HNRNPR: variants seen among roughly 807,000 people sequenced by gnomAD.
HNRNPR encodes the protein heterogeneous nuclear ribonucleoprotein R.
HNRNPR carries 4 observed loss-of-function variants against 70.3 expected under a neutral mutation model. The observed-to-expected ratio is 0.06, with a 90% confidence interval of 0.03 to 0.13. The LOEUF (loss-of-function observed/expected upper bound fraction) is 0.13, where lower values mean the gene tolerates loss of function less well. Ranked by LOEUF, HNRNPR falls within the 10% of genes least tolerant of loss-of-function variation. The probability of loss-of-function intolerance (pLI) is 1.00; values close to 1 mark genes in which losing one functional copy is unlikely to be tolerated. For synonymous variants in HNRNPR, 241 were observed against 267.6 expected, an observed-to-expected ratio of 0.90 and a Z score of 0.97; for missense variants, 423 against 788.5, an observed-to-expected ratio of 0.54 and a Z score of 5.55.
rs1645271779 is a variant in HNRNPR at position 23,310,034 on chromosome 1, C to T, written c.*420G>A. 2 of 153,898 alleles carry T rather than the reference C, an allele frequency of 1.3e-5. No individual in the cohort carries two copies. The highest frequency in any genetic ancestry group is 1.3e-4 in the Admixed American group (2 of 15,316). The allele number at this position is 153,898 out of a possible 1,614,324, so 9.5% of individuals were successfully genotyped here. ...AACTTAAATTTGTTTGCTTTAATTT[C>T]TTAAAACTACTAAGACAAAGCACTA... On this transcript the variant is annotated 3_prime_UTR_variant, in exon 11 of 11. Transcript: ENST00000302271. The surrounding 1 kb of genome is among the most constrained non-coding windows in gnomAD (Gnocchi z 6.0).
At chr1:23,332,024 C>T (rs990858433) in intron 5 of HNRNPR, among the ~76,000 whole-genome samples, 12 of 150,356 alleles carry the variant, frequency 8.0e-5, no homozygotes, top group Non-Finnish European at 1.3e-4. Flanking sequence ...CCCAGCTACT[C>T]GGGAGGTTAA....
rs2148352819 is a variant in HNRNPR at position 23,318,102 on chromosome 1, A to C, written c.1017+381T>G. Reference sequence around the variant, plus strand: ...TTCATGGCCAAGTAATAAAGTCATAATATAGTCAATGAAGATTATAACTTA... The same window carrying C: ...TTCATGGCCAAGTAATAAAGTCATACTATAGTCAATGAAGATTATAACTTA... On this transcript the variant is annotated intron_variant, in intron 8 of 10. Transcript: ENST00000302271. The surrounding 1 kb of genome is among the most constrained non-coding windows in gnomAD (Gnocchi z 4.2). Among the ~76,000 whole-genome samples the C allele has an allele frequency of 6.6e-6, 1 of 151,812 alleles. No homozygotes were observed.
At chr1:23,321,351 G>A (rs1471384120) in intron 7 of HNRNPR, among the ~76,000 whole-genome samples, 177 bp downstream of exon 7, 1 of 152,126 alleles carries the variant, frequency 6.6e-6, no homozygotes, top group Non-Finnish European at 1.5e-5. Flanking sequence ...TCCAAGAAAT[G>A]AAGGATATAA....
intron 9 of HNRNPR, among the ~76,000 whole-genome samples, chr1:23,312,326 G>A (rs190564420): frequency 6.6e-6 from 1 of 152,312 alleles, no homozygotes; most frequent in Admixed American, 6.5e-5. Context: ...CCATCCTGGT[G>A]ACTCCCAGTT....
intron 5 of HNRNPR, among the ~76,000 whole-genome samples, chr1:23,329,411 C>T (rs1317281939): frequency 1.3e-5 from 2 of 152,182 alleles, no homozygotes; most frequent in Non-Finnish European, 1.5e-5. Flanking sequence ...ACTTTTTAGT[C>T]TCTGAGTCAT....
At chr1:23,319,023 AT>A (rs1645654546) in intron 7 of HNRNPR, among the ~76,000 whole-genome samples, 1 of 152,226 alleles carries the variant, frequency 6.6e-6, no homozygotes, top group Non-Finnish European at 1.5e-5. Context: ...AATTAGTAAT[AT>A]AAACCCAAGA....
chr1:23,312,048 G>C (rs550099244), intron 9 of HNRNPR, among the ~76,000 whole-genome samples: 61 of 152,206 alleles, frequency 4.0e-4, no homozygotes, highest in African/African-American at 1.4e-3. Flanking sequence ...AAAAGGTTCA[G>C]GTACTCAGTA....
intron 9 of HNRNPR, among the ~76,000 whole-genome samples, chr1:23,312,869 C>T (rs763760818): frequency 1.3e-5 from 2 of 152,108 alleles, no homozygotes; most frequent in Non-Finnish European, 1.5e-5. Flanking sequence ...TCCCACCCCC[C>T]CAAGGAAGGA....
At chr1:23,337,190 G>A (rs1646528474) in intron 4 of HNRNPR, among the ~76,000 whole-genome samples, 1 of 152,170 alleles carries the variant, frequency 6.6e-6, no homozygotes. Context: ...ATCAATCCAA[G>A]AAACTACCAG....
chr1:23,309,125 C>A lies in HNRNPR; in HGVS notation c.*1329G>T, dbSNP rs1645250411. On this transcript the variant is annotated 3_prime_UTR_variant, in exon 11 of 11. Coordinates refer to ENST00000302271, the MANE Select transcript of HNRNPR (RefSeq NM_005826.5). ...TGTCTTGGCCAACAAAAAATTTGGG[C>A]ATCAGGGATAGCAGATAAATAAAAA... The A allele has an allele frequency of 6.6e-6, 1 of 151,972 alleles. No individual in the cohort carries two copies. The highest frequency in any genetic ancestry group is 1.5e-5 in the Non-Finnish European group (1 of 67,928). 9.4% of individuals were successfully genotyped at this position (151,972 alleles called of 1,614,324 possible).
In HNRNPR at chr1:23,310,422, C is replaced by G. The variant is rs1645284821; in HGVS notation, c.*32G>C. On this transcript the variant is annotated 3_prime_UTR_variant, in exon 11 of 11. Transcript: ENST00000302271. The surrounding 1 kb of genome is among the most constrained non-coding windows in gnomAD (Gnocchi z 6.0). ...AATGTAGATCTAGAGCCAATCGTATCTTGCCAGTATCATTTTCAAGCCCTT... is the reference window on the plus strand; with the variant it reads ...AATGTAGATCTAGAGCCAATCGTATGTTGCCAGTATCATTTTCAAGCCCTT... The G allele has an allele frequency of 1.3e-6, 2 of 1,529,450 alleles. No homozygotes were observed. The highest frequency in any genetic ancestry group is 4.5e-5 in the East Asian group (2 of 44,004). 94.7% of individuals were successfully genotyped at this position (1,529,450 alleles called of 1,614,324 possible).
Position 23,323,600 on chromosome 1 carries a change from T to C in HNRNPR, c.631A>G (p.Ile211Val), listed in dbSNP as rs1334426484. The change falls in exon 6 of 11, where the codon ATC (isoleucine) becomes GTC (valine). Residue 211 changes from isoleucine (I) to valine (V), a missense_variant. Ile to Val is a conservative substitution (Grantham distance 29, BLOSUM62 3). This residue lies in a region of HNRNPR where 118 missense variants were observed against 239.3 expected (regional missense o/e 0.49). Transcript: ENST00000302271. ...GCAGCTTCCTTTCCACAGAAGGTGA[T>C]AAATGCATACCCTCTATTCTGACCG... The part of the protein sequence containing the change: ...LSGQNRGYAF[I>V]TFCGKEAAQE... 2 of 1,613,918 alleles carry C rather than the reference T, an allele frequency of 1.2e-6. No homozygotes were observed. Among genetic ancestry groups the C allele is most frequent in the East Asian group, 2.2e-5 (1 of 44,892 alleles).
At chr1:23,343,477 G>A (rs1646780302) in intron 1 of HNRNPR, among the ~76,000 whole-genome samples, 1 of 152,150 alleles carries the variant, frequency 6.6e-6, no homozygotes. Flanking sequence ...AGAAGCCCTG[G>A]GCTTTTTTAA....
intron 5 of HNRNPR, among the ~76,000 whole-genome samples, chr1:23,326,217 C>G (rs932081212): frequency 2.0e-5 from 3 of 151,816 alleles, no homozygotes; most frequent in African/African-American, 7.3e-5. Context: ...TTTACTCACA[C>G]AGTTATTATT....
chr1:23,317,035 G>C (rs1645571111), intron 8 of HNRNPR, among the ~76,000 whole-genome samples: 1 of 152,068 alleles, frequency 6.6e-6, no homozygotes, highest in Non-Finnish European at 1.5e-5. Context: ...TCAAATTCTG[G>C]AATAAAAACC....
At chr1:23,341,580 C>T (rs1414307439) in intron 1 of HNRNPR, among the ~76,000 whole-genome samples, 1 of 151,928 alleles carries the variant, frequency 6.6e-6, no homozygotes, top group Non-Finnish European at 1.5e-5. Flanking sequence ...AAAAAAAAAC[C>T]AACTTGACAT....
Position 23,310,517 on chromosome 1 carries a change from G to A in HNRNPR, c.1839C>T (p.Asn613=), listed in dbSNP as rs1316027536. ...PLQQGGDYSG[N]YGYNNDNQEF... is the part of the protein sequence containing the mutation. ...CCTGGTTGTCATTATTGTAACCATA[G>A]TTACCAGAATAGTCACCACCTTGCT... Residue 613 remains asparagine, a synonymous_variant, in exon 11 of 11, where the codon AAC becomes AAT. Coordinates refer to ENST00000302271, the MANE Select transcript of HNRNPR (RefSeq NM_005826.5). The surrounding 1 kb of genome is among the most constrained non-coding windows in gnomAD (Gnocchi z 6.0). 4 of 1,613,698 alleles carry A rather than the reference G, an allele frequency of 2.5e-6. No homozygotes were observed. The highest frequency in any genetic ancestry group is 2.2e-5 in the East Asian group (1 of 44,882).
chr1:23,312,888 TA>T (rs533354664), intron 9 of HNRNPR, among the ~76,000 whole-genome samples: 20 of 151,920 alleles, frequency 1.3e-4, no homozygotes, highest in Admixed American at 6.6e-4. Context: ...GAGAGATGAA[TA>T]AAAAAAAGAA....
chr1:23,320,673 GT>G (rs1284134994), intron 7 of HNRNPR, among the ~76,000 whole-genome samples: 7 of 152,252 alleles, frequency 4.6e-5, no homozygotes, highest in Admixed American at 4.6e-4. Context: ...CTAACGCAGT[GT>G]TTTTAAATCA....
Sources: gnomAD v4.1 joint callset for allele counts (sites outside exome capture counted in the v4.1 genomes callset) on GRCh38, gnomAD v4.1.1 for gene constraint, gnomAD v4.1.1 regional missense constraint, Gnocchi (gnomAD v3.1) non-coding constraint, MANE v1.5 for transcripts, NCBI Gene and HGNC (gene_info 2026-07-23, HGNC 2026-07-21) for gene names.